FBXO34: variants seen among roughly 807,000 people sequenced by gnomAD.
The protein encoded by FBXO34 is F-box only protein 34.
Under a neutral mutation model 24.5 loss-of-function variants are expected in FBXO34, and 12 were observed. The observed-to-expected ratio is 0.49, with a 90% CI of 0.31 to 0.79. The LOEUF (loss-of-function observed/expected upper bound fraction) is 0.79. FBXO34 is among the 30% of genes least tolerant of loss of function. FBXO34 has a pLI of 0.04. For missense variants in FBXO34, 823 were observed against 857.7 expected, an observed-to-expected ratio of 0.96 and a Z score of 0.51; for synonymous variants, 320 against 311.9, an observed-to-expected ratio of 1.03 and a Z score of -0.27.
intron 1 of FBXO34, among the ~76,000 whole-genome samples, chr14:55,284,900 G>A (rs943079851): frequency 6.7e-6 from 1 of 150,208 alleles, no homozygotes; most frequent in African/African-American, 2.4e-5. Flanking sequence ...GTGCAGGCTT[G>A]AGCACCATAT....
At chr14:55,391,909 G>A in the FBXO34 span, among the ~76,000 whole-genome samples, 1 of 152,194 alleles carries the variant, frequency 6.6e-6, no homozygotes, top group Non-Finnish European at 1.5e-5. Flanking sequence ...ACTCAAGTAA[G>A]ATTTCCTGAA....
At chr14:55,354,079 G>C (rs1015508409), downstream of FBXO34, among the ~76,000 whole-genome samples, 2 of 152,192 alleles carry the variant, frequency 1.3e-5, no homozygotes, top group African/African-American at 4.8e-5. Context: ...TGCTCTAGGG[G>C]AGGCGCTGTG....
chr14:55,290,854 C>T (rs945225206), intron 1 of FBXO34, among the ~76,000 whole-genome samples: 5 of 152,152 alleles, frequency 3.3e-5, no homozygotes, highest in African/African-American at 1.2e-4. Flanking sequence ...GACAGAGTCT[C>T]TGTTGCCCAG....
the FBXO34 span, chr14:55,424,114 A>C: frequency 7.4e-7 from 1 of 1,357,968 alleles, no homozygotes; most frequent in Non-Finnish European, 1.1e-6. Flanking sequence ...AAGCACATGC[A>C]TAGCAATTAC....
chr14:55,375,476 C>T, the FBXO34 span, among the ~76,000 whole-genome samples: 1 of 150,560 alleles, frequency 6.6e-6, no homozygotes, highest in Non-Finnish European at 1.5e-5. Flanking sequence ...GCATGCATTA[C>T]CACGCCGGGC....
At chr14:55,344,491 T>C (rs1884094025) in intron 1 of FBXO34, among the ~76,000 whole-genome samples, 1 of 152,106 alleles carries the variant, frequency 6.6e-6, no homozygotes, top group South Asian at 2.1e-4. Flanking sequence ...TTTCGCCTCC[T>C]GGATATCTCT....
chr14:55,333,493 T>A (rs1883668293), intron 1 of FBXO34, among the ~76,000 whole-genome samples: 1 of 152,186 alleles, frequency 6.6e-6, no homozygotes, highest in Non-Finnish European at 1.5e-5. Context: ...GAAGTGAGTT[T>A]CCTATTGAAG....
the FBXO34 span, chr14:55,424,284 A>T: frequency 2.8e-6 from 4 of 1,452,272 alleles, no homozygotes; most frequent in Admixed American, 1.7e-5. Flanking sequence ...AATGTTAAAA[A>T]TAGCACTATT....
At chr14:55,335,942 C>T (rs900438433) in intron 1 of FBXO34, among the ~76,000 whole-genome samples, 3 of 152,102 alleles carry the variant, frequency 2.0e-5, no homozygotes, top group South Asian at 2.1e-4. Flanking sequence ...TCCTACATGA[C>T]TGAATGTAGG....
chr14:55,276,127 C>A (rs990534093), intron 1 of FBXO34, among the ~76,000 whole-genome samples: 2 of 152,172 alleles, frequency 1.3e-5, no homozygotes, highest in Admixed American at 6.5e-5. Flanking sequence ...ACCTTTTCTC[C>A]TTTTCTTTCC....
At chr14:55,296,405 T>G (rs901870484) in intron 1 of FBXO34, among the ~76,000 whole-genome samples, 3 of 139,202 alleles carry the variant, frequency 2.2e-5, no homozygotes, top group South Asian at 4.8e-4. Flanking sequence ...TTTTTTTTTT[T>G]TTTTTTTTTT....
intron 1 of FBXO34, among the ~76,000 whole-genome samples, chr14:55,305,185 G>T (rs917648381): frequency 1.1e-4 from 16 of 152,222 alleles, no homozygotes; most frequent in African/African-American, 3.4e-4. Context: ...GGTCGAGGCG[G>T]GTGGATCATG....
chr14:55,294,561 A>G (rs1019193289), intron 1 of FBXO34, among the ~76,000 whole-genome samples: 5 of 152,168 alleles, frequency 3.3e-5, no homozygotes, highest in Admixed American at 6.5e-5. Context: ...AACATTTGCT[A>G]TATGTGTGAA....
chr14:55,289,660 C>T (rs531809110), intron 1 of FBXO34, among the ~76,000 whole-genome samples: 113 of 152,262 alleles, frequency 7.4e-4, no homozygotes, highest in Middle Eastern at 3.4e-3. Flanking sequence ...CTCAGCCTCC[C>T]AAGTAGTTGG....
chr14:55,345,977 C>T (rs925472540), intron 1 of FBXO34, among the ~76,000 whole-genome samples: 3 of 151,990 alleles, frequency 2.0e-5, no homozygotes, highest in Admixed American at 2.0e-4. Flanking sequence ...CTCACTGTAG[C>T]CTGGGTGACA....
the FBXO34 span, among the ~76,000 whole-genome samples, chr14:55,380,877 T>TATATATATATA: frequency 4.6e-5 from 2 of 43,688 alleles, no homozygotes; most frequent in African/African-American, 3.9e-4. Context: ...ATATATATAT[T>TATATATATATA]TTTTTTTTTT....
chr14:55,306,057 G>A (rs1201916791), intron 1 of FBXO34, among the ~76,000 whole-genome samples: 2 of 152,340 alleles, frequency 1.3e-5, no homozygotes, highest in South Asian at 2.1e-4. Flanking sequence ...AAATATGTGT[G>A]CATGTATATA....
intron 1 of FBXO34, chr14:55,282,686 G>A (rs1411989180): frequency 6.6e-6 from 1 of 152,304 alleles, no homozygotes; most frequent in African/African-American, 2.4e-5. Context: ...AAAAGCAGTT[G>A]CTGTGTTTTC....
chr14:55,274,471 A>G (rs991777505), intron 1 of FBXO34, among the ~76,000 whole-genome samples: 6 of 152,186 alleles, frequency 3.9e-5, no homozygotes, highest in Non-Finnish European at 7.3e-5. Context: ...TTTACTTCAT[A>G]TAAATGGTTT....
Sources: allele counts gnomAD v4.1 joint callset (sites outside exome capture counted in the v4.1 genomes callset), GRCh38; gene constraint gnomAD v4.1.1; transcripts MANE v1.5; gene names NCBI Gene and HGNC (gene_info 2026-07-23, HGNC 2026-07-21).